ASCC3: variants seen among roughly 807,000 people sequenced by gnomAD.
ASCC3 encodes ASC-1 complex subunit P200.
Under a neutral mutation model 256.3 loss-of-function variants are expected in ASCC3, and 158 were observed. The ratio of observed to expected loss-of-function variants is 0.62; its 90% CI spans 0.54 to 0.70. The LOEUF (loss-of-function observed/expected upper bound fraction) is 0.70, where lower values mean the gene tolerates loss of function less well. Among genes scored for constraint, ASCC3 ranks in the 30% least tolerant of loss-of-function variants. The pLI, the probability that ASCC3 is intolerant of heterozygous loss-of-function variation, is 0.00. For synonymous variants in ASCC3, 948 were observed against 883.4 expected (o/e 1.07, Z -1.30); for missense variants, 2,259 against 2,626.0 (o/e 0.86, Z 3.05).
In ASCC3 at chr6:100,508,718, A is replaced by G. The variant is rs951305350; in HGVS notation, c.*668T>C. ...TTATTTAAAGGAAGCAGAAGAAAAC[A>G]TTGAGTCAGCTTGTCTTGAAGTGCC... On this transcript the variant is annotated 3_prime_UTR_variant, in exon 42 of 42. Coordinates refer to ENST00000369162, the MANE Select transcript of ASCC3 (RefSeq NM_006828.4). The G allele has an allele frequency of 3.3e-5, 5 of 152,250 alleles. No homozygotes were observed. Among genetic ancestry groups the G allele is most frequent in the African/African-American group, 1.2e-4 (5 of 41,452 alleles). 9.4% of individuals were successfully genotyped at this position (152,250 alleles called of 1,614,324 possible). A position where few individuals can be genotyped will look rare whatever the true frequency, so the allele number is the denominator to read the frequency against.
intron 1 of ASCC3, among the ~76,000 whole-genome samples, chr6:100,875,740 A>G (rs947621634): frequency 6.6e-6 from 1 of 152,204 alleles, no homozygotes; most frequent in African/African-American, 2.4e-5. Flanking sequence ...ATGACATGAT[A>G]CAGTCCACTG....
chr6:100,676,769 CACACACACACA>C, intron 14 of ASCC3, among the ~76,000 whole-genome samples: 1 of 37,688 alleles, frequency 2.7e-5, no homozygotes, highest in Admixed American at 3.3e-4. Flanking sequence ...CACTCACACA[CACACACACACA>C]CACAAAAGGA....
chr6:100,562,295 T>C (rs1322893959), intron 36 of ASCC3, among the ~76,000 whole-genome samples: 1 of 152,220 alleles, frequency 6.6e-6, no homozygotes, highest in Admixed American at 6.5e-5. Flanking sequence ...ATGAAGCATA[T>C]CCATTTCTTT....
intron 34 of ASCC3, among the ~76,000 whole-genome samples, chr6:100,592,315 G>C (rs951629977): frequency 1.3e-5 from 2 of 150,742 alleles, no homozygotes; most frequent in Admixed American, 6.6e-5. Context: ...TTCTAAATGT[G>C]GTCACCAACA....
intron 25 of ASCC3, among the ~76,000 whole-genome samples, chr6:100,633,175 C>G (rs1774643533): frequency 6.6e-6 from 1 of 152,076 alleles, no homozygotes; most frequent in African/African-American, 2.4e-5. Flanking sequence ...AATTCATAAG[C>G]TTTAAATTAT....
chr6:100,584,432 T>G (rs1269849169), intron 36 of ASCC3, among the ~76,000 whole-genome samples: 1 of 151,872 alleles, frequency 6.6e-6, no homozygotes, highest in Non-Finnish European at 1.5e-5. Context: ...TTGTTTTCCA[T>G]TTGCTTGGTA....
intron 36 of ASCC3, among the ~76,000 whole-genome samples, chr6:100,586,588 C>T (rs981983860): frequency 2.6e-5 from 4 of 152,146 alleles, no homozygotes; most frequent in Admixed American, 2.6e-4. Flanking sequence ...GTGCTGCACC[C>T]ACTGACCTGC....
At chr6:100,584,966 C>T (rs1771566407) in intron 36 of ASCC3, among the ~76,000 whole-genome samples, 1 of 152,172 alleles carries the variant, frequency 6.6e-6, no homozygotes, top group African/African-American at 2.4e-5. Context: ...GTCTGATGGG[C>T]TTCCCTTTGT....
chr6:100,862,583 T>A (rs946618278), intron 3 of ASCC3, among the ~76,000 whole-genome samples: 1 of 152,156 alleles, frequency 6.6e-6, no homozygotes, highest in Non-Finnish European at 1.5e-5. Flanking sequence ...AAATTCTCTC[T>A]CTACCAAGGA....
At position 100,625,299 on chromosome 6, in the gene ASCC3, T is replaced by A. The variant is rs1301233168; in HGVS notation, c.4678A>T (p.Ile1560Leu). ...RSHSPAKPVL[I>L]FVSSRRQTRL... The stretch of plus-strand genomic sequence containing the variant: ...GTTTGACGTCTTGATGAGACAAATA[T>A]CAAAACAGGTTTGGCTGGAGAATGG... Residue 1560 changes from isoleucine to leucine, a missense_variant, in exon 30 of 42, where the codon ATA (isoleucine) becomes TTA (leucine). This residue lies in a region of ASCC3 where 1,839 missense variants were observed against 2,206.7 expected (regional missense o/e 0.83). Transcript: ENST00000369162. The A allele has an allele frequency of 6.2e-7, 1 of 1,612,896 alleles. No homozygotes were observed. The highest frequency in any genetic ancestry group is 1.1e-5 in the South Asian group (1 of 91,064).
At chr6:100,718,773 T>C (rs531019845) in intron 11 of ASCC3, among the ~76,000 whole-genome samples, 15 of 152,036 alleles carry the variant, frequency 9.9e-5, no homozygotes, top group African/African-American at 3.6e-4. Context: ...AAAATAAAAA[T>C]GTGAATTAAG....
chr6:100,646,981 G>A (rs1209775118), intron 21 of ASCC3, among the ~76,000 whole-genome samples: 1 of 152,102 alleles, frequency 6.6e-6, no homozygotes, highest in East Asian at 1.9e-4. Flanking sequence ...CAGTATCAAG[G>A]TTTCTTTAGC....
chr6:100,579,425 C>T (rs115580025), intron 36 of ASCC3, among the ~76,000 whole-genome samples: 7,539 of 152,038 alleles, frequency 0.05, 319 homozygotes, highest in African/African-American at 0.12. Context: ...CCAGGGCCTA[C>T]GTCCAGAATG....
At chr6:100,793,155 A>G (rs1352146845) in intron 8 of ASCC3, among the ~76,000 whole-genome samples, 1 of 152,004 alleles carries the variant, frequency 6.6e-6, no homozygotes, top group Non-Finnish European at 1.5e-5. Context: ...CATTATAATT[A>G]CTGACATTTG....
intron 9 of ASCC3, 80 bp downstream of exon 9, chr6:100,767,065 A>C (rs1222018639): frequency 7.1e-6 from 10 of 1,404,424 alleles, no homozygotes; most frequent in Non-Finnish European, 8.9e-6. Context: ...AAGAACTTTC[A>C]AATTTCATGT....
rs1056969397 is a variant in ASCC3, at chr6:100,856,033, T to C, written c.242-7326A>G. Reference sequence around the variant, plus strand: ...AATAAAGACAGTACAAGAAATATAGTTGCATCAAGTACACAGATATAATGC... The same window carrying C: ...AATAAAGACAGTACAAGAAATATAGCTGCATCAAGTACACAGATATAATGC... On this transcript the variant is annotated intron_variant, in intron 3 of 41. Coordinates refer to ENST00000369162, the MANE Select transcript of ASCC3 (RefSeq NM_006828.4). 4.6e-5 allele frequency among the ~76,000 whole-genome samples: 7 copies of C among 152,306 alleles called. No individual in the cohort carries two copies. In the East Asian group the frequency reaches 1.3e-3, roughly 29 times the overall value.
At chr6:100,707,074 A>C (rs1778622197) in intron 13 of ASCC3, among the ~76,000 whole-genome samples, 1 of 152,056 alleles carries the variant, frequency 6.6e-6, no homozygotes, top group Non-Finnish European at 1.5e-5. Flanking sequence ...GTATGTTAAA[A>C]CTTTGAAGAC....
At chr6:100,717,262 T>G (rs1191691894) in intron 12 of ASCC3, among the ~76,000 whole-genome samples, 3 of 151,970 alleles carry the variant, frequency 2.0e-5, no homozygotes, top group Non-Finnish European at 4.4e-5. Context: ...TGGCTCTATT[T>G]TACTAATGAA....
chr6:100,521,089 C>A (rs1356352046), intron 37 of ASCC3, among the ~76,000 whole-genome samples: 2 of 152,144 alleles, frequency 1.3e-5, no homozygotes, highest in Non-Finnish European at 2.9e-5. Flanking sequence ...ATTGTAACAA[C>A]ATTCTGCCTA....
Sources: gnomAD v4.1 joint callset for allele counts (sites outside exome capture counted in the v4.1 genomes callset) on GRCh38, gnomAD v4.1.1 for gene constraint, gnomAD v4.1.1 regional missense constraint, MANE v1.5 for transcripts, NCBI Gene and HGNC (gene_info 2026-07-23, HGNC 2026-07-21) for gene names.